GALNT6: variants seen among roughly 807,000 people sequenced by gnomAD.
GALNT6 encodes the protein polypeptide N-acetylgalactosaminyltransferase 6, also known as GalNAc transferase 6.
GALNT6 carries 51 observed loss-of-function variants against 65.9 expected under a neutral mutation model. The ratio of observed to expected loss-of-function variants is 0.77; its 90% CI spans 0.62 to 0.98. The LOEUF (loss-of-function observed/expected upper bound fraction) is 0.98. Ranked by LOEUF, GALNT6 falls within the 50% of genes least tolerant of loss-of-function variation. GALNT6 has a pLI of 0.00. For missense variants in GALNT6, 708 were observed against 803.3 expected, an observed-to-expected ratio of 0.88 and a Z score of 1.43; for synonymous variants, 323 against 315.1, an observed-to-expected ratio of 1.02 and a Z score of -0.26.
intron 4 of GALNT6, among the ~76,000 whole-genome samples, chr12:51,371,054 A>AATTATTATTATT (rs66469959): frequency 6.9e-6 from 1 of 144,450 alleles, no homozygotes; most frequent in African/African-American, 2.5e-5. Context: ...CCTTTTAAAA[A>AATTATTATTATT]ATTATTATTA....
intron 8 of GALNT6, 56 bp downstream of exon 8, chr12:51,359,076 G>A: frequency 2.2e-6 from 3 of 1,394,942 alleles, no homozygotes; most frequent in Non-Finnish European, 3.0e-6. Flanking sequence ...CATGAACAGG[G>A]TCTGGGGGCC....
At chr12:51,385,449 C>A (rs1352300420) in intron 2 of GALNT6, among the ~76,000 whole-genome samples, 1 of 152,112 alleles carries the variant, frequency 6.6e-6, no homozygotes, top group Non-Finnish European at 1.5e-5. Context: ...TTATGGTTTG[C>A]AGAATTTATG....
At chr12:51,367,579 C>T (rs1456911638) in intron 4 of GALNT6, among the ~76,000 whole-genome samples, 2 of 152,212 alleles carry the variant, frequency 1.3e-5, no homozygotes, top group African/African-American at 4.8e-5. Context: ...GAGTTGCCTG[C>T]AGTTTCAGAT....
chr12:51,388,236 A>G (rs1243801487), intron 2 of GALNT6, among the ~76,000 whole-genome samples: 2 of 152,142 alleles, frequency 1.3e-5, no homozygotes, highest in Non-Finnish European at 2.9e-5. Context: ...GCCTTTATCA[A>G]CTAGCATCTG....
At position 51,378,277 on chromosome 12, in the gene GALNT6, T is replaced by C. The variant is rs145471710; in HGVS notation, c.492-910A>G. ...TCAAGCGATTCTTGTCCTTCAGCCT[T>C]CTGAGTAGCTGGGATTACAGGCACC... On this transcript the variant is annotated intron_variant, in intron 3 of 11. Coordinates refer to ENST00000356317, the MANE Select transcript of GALNT6 (RefSeq NM_007210.4). 2.6e-3 allele frequency among the ~76,000 whole-genome samples: 396 copies of C among 152,248 alleles called. 2 individuals carry two copies. Among genetic ancestry groups the C allele is most frequent in the African/African-American group, 9.2e-3 (384 of 41,562 alleles).
Position 51,379,773 on chromosome 12 carries a change from G to A in GALNT6, c.9C>T (p.Leu3=), listed in dbSNP as rs2278216. The part of the protein sequence containing the change: MR[L]LRRRHMPLRL... ...GCAGGGGCATGTGGCGTCTGCGGAG[G>A]AGCCTCATCCTCCAGAACCAAGGGG... The change falls in exon 3 of 12, where the codon CTC becomes CTT. Residue 3 remains leucine (L), a synonymous_variant. Transcript: ENST00000356317. The A allele has an allele frequency of 0.071, 113,921 of 1,604,014 alleles. 5,082 individuals carry two copies. The highest frequency in any genetic ancestry group is 0.18 in the East Asian group (8,027 of 44,764).
chr12:51,363,892 AGT>A (rs1947004853), intron 6 of GALNT6, among the ~76,000 whole-genome samples: 2 of 152,342 alleles, frequency 1.3e-5, no homozygotes, highest in South Asian at 4.1e-4. Context: ...CAGTCCGGGA[AGT>A]GTGTCCTTGC....
chr12:51,379,230 A>G, intron 3 of GALNT6, 61 bp downstream of exon 3: 1 of 1,493,274 alleles, frequency 6.7e-7, no homozygotes, highest in Non-Finnish European at 9.0e-7. Flanking sequence ...GGCCCTGGCC[A>G]TACTAGCCAT....
chr12:51,377,316 C>CA lies in GALNT6; in HGVS notation c.542dup (p.Ile182AspfsTer36). On this transcript the variant is annotated frameshift_variant, in exon 4 of 12. Transcript: ENST00000356317. LOFTEE classifies it high-confidence loss of function. ...AGGCTTCGTTGTGGAACACAATGAT[C>CA]ACGCTGGTGGTGGCCAGTGGGGGGC... The CA allele has an allele frequency of 6.2e-7, 1 of 1,613,176 alleles. No homozygotes were observed.
At position 51,379,427 on chromosome 12, in the gene GALNT6, C is replaced by G. The variant is rs1224156835; in HGVS notation, c.355G>C (p.Ala119Pro). 6.2e-7 allele frequency: 1 copy of G among 1,611,470 alleles called. No individual in the cohort carries two copies. The highest frequency in any genetic ancestry group is 2.2e-5 in the East Asian group (1 of 44,840). ...DPNAPGADGK[A>P]FQKSKWTPLE... ...GGGGTCCACTTGCTCTTCTGAAATGCTTTTCCATCTGCCCCAGGGGCATTG... is the reference window on the plus strand; with the variant it reads ...GGGGTCCACTTGCTCTTCTGAAATGGTTTTCCATCTGCCCCAGGGGCATTG... Residue 119 changes from alanine (A) to proline (P), a missense_variant, in exon 3 of 12, where the codon GCA becomes CCA. By Grantham distance (27) the Ala-to-Pro change is conservative. Transcript: ENST00000356317.
At chr12:51,373,319 T>C (rs139306952) in intron 4 of GALNT6, among the ~76,000 whole-genome samples, 170 of 152,278 alleles carry the variant, frequency 1.1e-3, no homozygotes, top group African/African-American at 3.9e-3. Context: ...AGGGACCCAG[T>C]GGGAGATAAT....
At position 51,379,275 on chromosome 12, in the gene GALNT6, T is replaced by C; in HGVS notation, c.491+16A>G. 6.6e-7 allele frequency: 1 copy of C among 1,518,534 alleles called. No individual in the cohort carries two copies. The highest frequency in any genetic ancestry group is 8.8e-7 in the Non-Finnish European group (1 of 1,135,984). 94.1% of individuals were successfully genotyped at this position (1,518,534 alleles called of 1,614,324 possible). A position where few individuals can be genotyped will look rare whatever the true frequency, so the allele number is the denominator to read the frequency against. On this transcript the variant is annotated intron_variant, in intron 3 of 11. Coordinates refer to ENST00000356317, the MANE Select transcript of GALNT6 (RefSeq NM_007210.4). ...AAAGCCCTGGTCTCCCCACAAGGAC[T>C]CTGGGTGCTACTTACTCAGGTGGTC...
chr12:51,378,395 G>T (rs1947532690), intron 3 of GALNT6, among the ~76,000 whole-genome samples: 1 of 152,242 alleles, frequency 6.6e-6, no homozygotes, highest in South Asian at 2.1e-4. Context: ...GGCCTCAAGA[G>T]ATCCACCCAC....
Position 51,377,370 on chromosome 12 carries a change from G to A in GALNT6, c.492-3C>T. ...GCCGGAACTTCTGGTCCACACACCT[G>A]GAAGTATGAAAGTACGGACAAAGTT... On this transcript the variant is annotated splice_polypyrimidine_tract_variant and splice_region_variant and intron_variant, in intron 3 of 11. Transcript: ENST00000356317. The A allele has an allele frequency of 1.9e-6, 3 of 1,612,038 alleles. No homozygotes were observed. The highest frequency in any genetic ancestry group is 8.5e-7 in the Non-Finnish European group (1 of 1,179,788).
intron 4 of GALNT6, among the ~76,000 whole-genome samples, chr12:51,367,548 GGTTCT>G (rs1277930930): frequency 6.6e-6 from 1 of 152,208 alleles, no homozygotes; most frequent in African/African-American, 2.4e-5. Context: ...TCTCTGCCAC[GGTTCT>G]GTTCTGTGCA....
At chr12:51,356,039 C>T (rs1946734501) in intron 10 of GALNT6, 81 bp from the exon 11 acceptor site, 2 of 1,313,146 alleles carry the variant, frequency 1.5e-6, no homozygotes, top group Non-Finnish European at 2.2e-6. Flanking sequence ...GTCTACCATG[C>T]ATGGTCTCCT....
intron 4 of GALNT6, among the ~76,000 whole-genome samples, chr12:51,372,016 A>G (rs759315661): frequency 3.3e-5 from 5 of 152,096 alleles, no homozygotes; most frequent in African/African-American, 4.8e-5. Flanking sequence ...AAGTATCTCT[A>G]GCGTCTGAAA....
intron 4 of GALNT6, among the ~76,000 whole-genome samples, chr12:51,373,365 T>G (rs897617539): frequency 2.0e-5 from 3 of 152,170 alleles, no homozygotes; most frequent in African/African-American, 4.8e-5. Flanking sequence ...GCTATCCTTG[T>G]GATAGTAAGT....
chr12:51,357,235 C>T, intron 10 of GALNT6, 114 bp downstream of exon 10: 1 of 679,304 alleles, frequency 1.5e-6, no homozygotes, highest in Non-Finnish European at 2.7e-6. Flanking sequence ...TGGAAGCTTC[C>T]TGAGGGCAGG....
Sources: allele counts gnomAD v4.1 joint callset (sites outside exome capture counted in the v4.1 genomes callset), GRCh38; gene constraint gnomAD v4.1.1; transcripts MANE v1.5; gene names NCBI Gene and HGNC (gene_info 2026-07-23, HGNC 2026-07-21).